The following NHS variants were observed in gnomAD, a reference collection of about 807,000 sequenced individuals.
NHS encodes the protein actin remodeling regulator NHS.
A neutral mutation model predicts 72.5 loss-of-function variants in NHS; 5 were observed. The observed-to-expected ratio is 0.07, with a 90% CI of 0.04 to 0.14. NHS has a LOEUF of 0.14. NHS is among the 10% of genes least tolerant of loss of function. The pLI, the probability that NHS is intolerant of heterozygous loss-of-function variation, is 1.00. For synonymous variants in NHS, 464 were observed against 547.7 expected (o/e 0.85, Z 2.13); for missense variants, 1,072 against 1,355.7 (o/e 0.79, Z 3.29).
intron 1 of NHS, among the ~76,000 whole-genome samples, chrX:17,450,363 C>G (rs113519449): frequency 1.8e-5 from 2 of 112,258 alleles, no homozygotes; most frequent in African/African-American, 6.5e-5. Flanking sequence ...ATAGCTTACT[C>G]TGTGCCTGAT....
rs749803452 is a variant in NHS at position 17,457,131 on chromosome X, T to G, written c.565+80809T>G. Among the ~76,000 whole-genome samples the G allele has an allele frequency of 8.9e-5, 10 of 112,452 alleles. 1 individual carries two copies. In the East Asian group the frequency reaches 2.8e-3, roughly 32 times the overall value. ...TGCTGTTTTAAGTTTATTATGTCAA[T>G]GAGCTCAGTCTTGATTCTAGCCTTG... On this transcript the variant is annotated intron_variant, in intron 1 of 8. Coordinates refer to ENST00000676302, the MANE Select transcript of NHS (RefSeq NM_001291867.2).
At chrX:17,567,069 C>A (rs1318004184) in intron 1 of NHS, among the ~76,000 whole-genome samples, 1 of 112,294 alleles carries the variant, frequency 8.9e-6, no homozygotes, top group African/African-American at 3.2e-5. Flanking sequence ...TAGTTCTCAT[C>A]TTGATTCTAC....
chrX:17,603,435 C>T (rs780162019), intron 1 of NHS, among the ~76,000 whole-genome samples: 1 of 112,040 alleles, frequency 8.9e-6, no homozygotes, highest in Non-Finnish European at 1.9e-5. Flanking sequence ...ACGAAACATA[C>T]TGGCTTCATT....
intron 1 of NHS, among the ~76,000 whole-genome samples, chrX:17,531,961 C>T (rs1017596206): frequency 1.8e-5 from 2 of 111,400 alleles, no homozygotes; most frequent in African/African-American, 3.3e-5. Flanking sequence ...TGGATTAATG[C>T]GTGTCTCTCC....
intron 2 of NHS, 134 bp downstream of exon 2, chrX:17,688,028 C>T: frequency 1.4e-6 from 1 of 713,020 alleles, no homozygotes; most frequent in Admixed American, 3.1e-5. Context: ...CGTTTCTACC[C>T]TGAAATGAAA....
intron 1 of NHS, among the ~76,000 whole-genome samples, chrX:17,391,351 A>C (rs1261542570): frequency 8.9e-6 from 1 of 111,887 alleles, no homozygotes; most frequent in South Asian, 3.8e-4. Flanking sequence ...CTCAGTTTGC[A>C]TATCTGTGAA....
chrX:17,437,454 A>G (rs778115485), intron 1 of NHS, among the ~76,000 whole-genome samples: 5 of 111,243 alleles, frequency 4.5e-5, no homozygotes, highest in Admixed American at 9.5e-5. Flanking sequence ...CCAGTCACCC[A>G]TTTCTCTGGT....
Position 17,582,446 on chromosome X carries a change from A to C in NHS, c.566-105296A>C, listed in dbSNP as rs145802098. ...AAGGTTGTGTAGCAGGGTTTTCTTC[A>C]ACTCCATCCATACCTAGAAGTGAGA... On this transcript the variant is annotated intron_variant, in intron 1 of 8. Coordinates refer to ENST00000676302, the MANE Select transcript of NHS (RefSeq NM_001291867.2). 6.6e-3 allele frequency among the ~76,000 whole-genome samples: 743 copies of C among 112,391 alleles called. 5 individuals carry two copies. Among genetic ancestry groups the C allele is most frequent in the Middle Eastern group, 0.028 (6 of 217 alleles).
chrX:17,391,031 A>G (rs970396718), intron 1 of NHS, among the ~76,000 whole-genome samples: 1 of 111,587 alleles, frequency 9.0e-6, no homozygotes, highest in African/African-American at 3.3e-5. Flanking sequence ...GTGGCTGTTG[A>G]GTGGGAAGGA....
chrX:17,717,994 A>G (rs866628636), intron 3 of NHS, among the ~76,000 whole-genome samples: 1 of 112,034 alleles, frequency 8.9e-6, no homozygotes, highest in Non-Finnish European at 1.9e-5. Context: ...ATTTTCACAG[A>G]TATTTCACAG....
At chrX:17,401,031 A>G (rs1326185496) in intron 1 of NHS, among the ~76,000 whole-genome samples, 1 of 112,305 alleles carries the variant, frequency 8.9e-6, no homozygotes, top group African/African-American at 3.2e-5. Flanking sequence ...GAGCTGGTGT[A>G]AGGATGCAGA....
chrX:17,522,569 A>T (rs1014854631), intron 1 of NHS, among the ~76,000 whole-genome samples: 1 of 94,959 alleles, frequency 1.1e-5, no homozygotes, highest in Non-Finnish European at 2.0e-5. Context: ...CAGGAGCTGC[A>T]GCCGCCTGGG....
chrX:17,550,917 A>G (rs1461244523), intron 1 of NHS, among the ~76,000 whole-genome samples: 1 of 111,024 alleles, frequency 9.0e-6, no homozygotes, highest in East Asian at 2.9e-4. Flanking sequence ...GCACAGCTCT[A>G]TGCAGCTGCA....
intron 1 of NHS, among the ~76,000 whole-genome samples, chrX:17,406,729 G>A (rs2064531089): frequency 8.9e-6 from 1 of 112,014 alleles, no homozygotes; most frequent in Admixed American, 9.5e-5. Context: ...AATCATTAAC[G>A]CTGTCTCCCA....
At chrX:17,701,156 T>C (rs2066261457) in intron 3 of NHS, among the ~76,000 whole-genome samples, 1 of 112,255 alleles carries the variant, frequency 8.9e-6, no homozygotes, top group South Asian at 3.7e-4. Flanking sequence ...TAGTAGGCTG[T>C]ACCTTCTAGG....
intron 1 of NHS, among the ~76,000 whole-genome samples, chrX:17,426,481 G>A (rs961042691): frequency 2.7e-5 from 3 of 111,908 alleles, no homozygotes; most frequent in African/African-American, 6.5e-5. Context: ...TGTTCCTTTC[G>A]CTGCTCAGCT....
intron 1 of NHS, among the ~76,000 whole-genome samples, chrX:17,486,125 G>A (rs1452933539): frequency 8.9e-6 from 1 of 112,132 alleles, no homozygotes; most frequent in African/African-American, 3.2e-5. Context: ...CATGTAGTAG[G>A]TGCTCAGTAA....
intron 2 of NHS, among the ~76,000 whole-genome samples, chrX:17,690,398 C>T (rs1005924561): frequency 4.5e-5 from 5 of 112,117 alleles, no homozygotes; most frequent in African/African-American, 1.6e-4. Context: ...CTGGAATAGC[C>T]TTGCTTCCAC....
At chrX:17,559,791 C>A (rs772995920) in intron 1 of NHS, among the ~76,000 whole-genome samples, 1 of 111,523 alleles carries the variant, frequency 9.0e-6, no homozygotes, top group African/African-American at 3.3e-5. Context: ...ATCCCAGCTC[C>A]CTTGCCCCCG....
Sources: gnomAD v4.1 joint callset for allele counts (sites outside exome capture counted in the v4.1 genomes callset) on GRCh38, gnomAD v4.1.1 for gene constraint, MANE v1.5 for transcripts, NCBI Gene and HGNC (gene_info 2026-07-23, HGNC 2026-07-21) for gene names.